Variants in STXBP4 observed in about 807,000 individuals in gnomAD.
STXBP4 encodes syntaxin-binding protein 4.
A neutral mutation model predicts 76.1 loss-of-function variants in STXBP4; 55 were observed. The ratio of observed to expected loss-of-function variants is 0.72; its 90% confidence interval spans 0.58 to 0.91. The LOEUF (loss-of-function observed/expected upper bound fraction) is 0.91, where lower values mean the gene tolerates loss of function less well. Ranked by LOEUF, STXBP4 falls within the 40% of genes least tolerant of loss-of-function variation. The pLI, the probability that STXBP4 is intolerant of heterozygous loss-of-function variation, is 0.00. For missense variants in STXBP4, 618 were observed against 636.9 expected, an observed-to-expected ratio of 0.97 and a Z score of 0.32; for synonymous variants, 201 against 220.2, an observed-to-expected ratio of 0.91 and a Z score of 0.77.
At chr17:55,087,112 T>C (rs1036089776) in intron 16 of STXBP4, among the ~76,000 whole-genome samples, 1 of 152,148 alleles carries the variant, frequency 6.6e-6, no homozygotes, top group African/African-American at 2.4e-5. Context: ...ATCAGATTGA[T>C]TGGTTTTTTG....
intron 8 of STXBP4, among the ~76,000 whole-genome samples, chr17:55,015,754 G>A (rs1029038717): frequency 6.6e-6 from 1 of 151,658 alleles, no homozygotes; most frequent in Non-Finnish European, 1.5e-5. Flanking sequence ...GGAAGGAGTC[G>A]GGGGGACGCT....
intron 12 of STXBP4, among the ~76,000 whole-genome samples, chr17:55,056,273 T>C (rs1156666550): frequency 1.3e-5 from 2 of 152,186 alleles, no homozygotes; most frequent in Non-Finnish European, 2.9e-5. Flanking sequence ...TGAGATATTT[T>C]TACTTTTTTA....
At chr17:55,012,537 T>C (rs1433612574) in intron 8 of STXBP4, among the ~76,000 whole-genome samples, 1 of 152,186 alleles carries the variant, frequency 6.6e-6, no homozygotes, top group East Asian at 1.9e-4. Context: ...GGCTTCCTGA[T>C]GTGTGATAGG....
At chr17:55,063,524 T>C (rs997576228) in intron 12 of STXBP4, among the ~76,000 whole-genome samples, 10 of 152,202 alleles carry the variant, frequency 6.6e-5, no homozygotes, top group African/African-American at 2.4e-4. Flanking sequence ...TACTTTGGCA[T>C]CAGTTGTACT....
At chr17:55,107,731 T>C (rs1267352722) in intron 16 of STXBP4, among the ~76,000 whole-genome samples, 1 of 152,204 alleles carries the variant, frequency 6.6e-6, no homozygotes, top group Non-Finnish European at 1.5e-5. Context: ...CCTATTTGCC[T>C]GGGTATCACC....
intron 12 of STXBP4, among the ~76,000 whole-genome samples, chr17:55,061,405 T>C (rs187850576): frequency 2.1e-4 from 32 of 152,312 alleles, no homozygotes; most frequent in South Asian, 4.1e-4. Context: ...TTTTACTAGT[T>C]TTTCAGTATA....
At position 55,047,204 on chromosome 17, in the gene STXBP4, G is replaced by A. The variant is rs1303897010; in HGVS notation, c.1011+50G>A. ...TGTGCTCGTGTGTGTGTGTGTGTGT[G>A]TGTGTGTGTGTGTGAACATATGAGG... On this transcript the variant is annotated intron_variant, in intron 12 of 17. Transcript: ENST00000376352. 4 of 1,069,416 alleles carry A rather than the reference G, an allele frequency of 3.7e-6. No homozygotes were observed. The African/African-American group carries it at 4.9e-5, about 13-fold the overall frequency. 66.2% of individuals were successfully genotyped at this position (1,069,416 alleles called of 1,614,324 possible). A position where few individuals can be genotyped will look rare whatever the true frequency, so the allele number is the denominator to read the frequency against.
At chr17:55,079,598 CAAAAAAAA>C (rs5821084) in intron 15 of STXBP4, among the ~76,000 whole-genome samples, 1 of 114,312 alleles carries the variant, frequency 8.7e-6, no homozygotes, top group Non-Finnish European at 1.8e-5. Context: ...CCTATCTCTA[CAAAAAAAA>C]AAAAAAAAAG....
At chr17:55,093,297 TG>T (rs2079442168) in intron 16 of STXBP4, among the ~76,000 whole-genome samples, 2 of 152,162 alleles carry the variant, frequency 1.3e-5, no homozygotes, top group Admixed American at 6.5e-5. Context: ...GCCAAAACTG[TG>T]TTTCTTTAAT....
At position 55,098,760 on chromosome 17, in the gene STXBP4, T is replaced by C. The variant is rs907941054; in HGVS notation, c.1489+17577T>C. On this transcript the variant is annotated intron_variant, in intron 16 of 17. Transcript: ENST00000376352. ...ATGTTGACCTTCTCTCCACCTCCAG[T>C]ACTCTATTTCACTCCCCTGTTTTAT... Among the ~76,000 whole-genome samples the C allele has an allele frequency of 6.6e-5, 10 of 152,350 alleles. No homozygotes were observed. In the East Asian group the frequency reaches 9.6e-4, roughly 15 times the overall value.
chr17:55,189,526 C>G, the STXBP4 span, among the ~76,000 whole-genome samples: 1 of 152,186 alleles, frequency 6.6e-6, no homozygotes, highest in Non-Finnish European at 1.5e-5. Flanking sequence ...AACAGGCTGC[C>G]CATCACTGCC....
intron 10 of STXBP4, among the ~76,000 whole-genome samples, chr17:55,041,757 A>G (rs950832375): frequency 5.9e-5 from 9 of 152,190 alleles, no homozygotes; most frequent in African/African-American, 2.2e-4. Flanking sequence ...TGGCAGTTCA[A>G]ATGTTCTTTA....
intron 8 of STXBP4, among the ~76,000 whole-genome samples, chr17:55,024,871 C>T (rs913848856): frequency 5.9e-5 from 9 of 152,140 alleles, no homozygotes; most frequent in Non-Finnish European, 8.8e-5. Context: ...GGCACGGTGG[C>T]TCACACCTGT....
the STXBP4 span, among the ~76,000 whole-genome samples, chr17:55,191,049 A>C: frequency 2.0e-5 from 3 of 152,176 alleles, no homozygotes; most frequent in Admixed American, 6.5e-5. Context: ...AGCCCTTTCC[A>C]GTCTTCAAAG....
intron 8 of STXBP4, among the ~76,000 whole-genome samples, chr17:55,021,286 C>T (rs535617452): frequency 6.6e-6 from 1 of 152,222 alleles, no homozygotes; most frequent in South Asian, 2.1e-4. Context: ...CTTTGGGAGG[C>T]CAAGGCAAGC....
At chr17:55,077,316 T>G (rs909247822) in intron 13 of STXBP4, among the ~76,000 whole-genome samples, 2 of 152,192 alleles carry the variant, frequency 1.3e-5, no homozygotes, top group African/African-American at 2.4e-5. Context: ...CTGGGACCAA[T>G]TTAAAGTAAA....
chr17:55,193,841 T>C, the STXBP4 span, among the ~76,000 whole-genome samples: 7 of 144,290 alleles, frequency 4.9e-5, no homozygotes, highest in South Asian at 1.1e-3. Context: ...AAAACGTAAT[T>C]AATTCCTACA....
intron 16 of STXBP4, among the ~76,000 whole-genome samples, chr17:55,097,053 A>AT (rs1311064024): frequency 6.6e-6 from 1 of 152,064 alleles, no homozygotes; most frequent in Admixed American, 6.6e-5. Flanking sequence ...AATCTTTAAT[A>AT]TTTTTTTTCT....
At chr17:55,112,521 T>A (rs1378570878) in intron 16 of STXBP4, among the ~76,000 whole-genome samples, 1 of 152,114 alleles carries the variant, frequency 6.6e-6, no homozygotes, top group African/African-American at 2.4e-5. Context: ...AAAATGACAC[T>A]GGATTTTTGA....
Sources: gnomAD v4.1 joint callset for allele counts (sites outside exome capture counted in the v4.1 genomes callset) on GRCh38, gnomAD v4.1.1 for gene constraint, MANE v1.5 for transcripts, NCBI Gene and HGNC (gene_info 2026-07-23, HGNC 2026-07-21) for gene names.